Variants in CRACD observed in about 807,000 individuals in gnomAD.
The protein encoded by CRACD is capping protein inhibiting regulator of actin dynamics.
In CRACD, 56 loss-of-function variants were observed where a neutral mutation model predicts 106.8. The observed-to-expected ratio is 0.52, with a 90% CI of 0.42 to 0.66. The LOEUF (loss-of-function observed/expected upper bound fraction) is 0.66. CRACD is among the 30% of genes least tolerant of loss of function. The probability of loss-of-function intolerance (pLI) is 0.00; values close to 1 mark genes in which losing one functional copy is unlikely to be tolerated. For missense variants in CRACD, 1,730 were observed against 1,623.2 expected (o/e 1.07, Z -1.13); for synonymous variants, 754 against 670.8 (o/e 1.12, Z -1.92).
chr4:56,298,370 A>C, intron 4 of CRACD, 21 bp downstream of exon 4: 1 of 1,612,876 alleles, frequency 6.2e-7, no homozygotes, highest in Admixed American at 1.7e-5. Context: ...TTGAGAGTGG[A>C]ATTACGAGCC....
intron 1 of CRACD, among the ~76,000 whole-genome samples, chr4:56,169,687 G>A (rs755286654): frequency 2.0e-5 from 3 of 151,964 alleles, no homozygotes; most frequent in Non-Finnish European, 4.4e-5. Context: ...TTGTAGAGAC[G>A]GGGTTTTGCC....
intron 1 of CRACD, among the ~76,000 whole-genome samples, chr4:56,117,743 C>A (rs1473934683): frequency 6.6e-6 from 1 of 152,070 alleles, no homozygotes; most frequent in Non-Finnish European, 1.5e-5. Flanking sequence ...CCATAAAAGT[C>A]AAATATTTTA....
chr4:56,213,394 C>A (rs1738507321), intron 2 of CRACD, among the ~76,000 whole-genome samples: 1 of 152,064 alleles, frequency 6.6e-6, no homozygotes, highest in African/African-American at 2.4e-5. Context: ...TTCAGTGAGC[C>A]AAGATCACGC....
At chr4:56,079,660 G>A (rs1732958977) in intron 1 of CRACD, among the ~76,000 whole-genome samples, 1 of 151,106 alleles carries the variant, frequency 6.6e-6, no homozygotes, top group South Asian at 2.1e-4. Flanking sequence ...GACCAAGCTG[G>A]TCTTGAACTT....
chr4:56,053,293 A>C (rs1291486862), intron 1 of CRACD, among the ~76,000 whole-genome samples: 1 of 152,190 alleles, frequency 6.6e-6, no homozygotes, highest in Non-Finnish European at 1.5e-5. Flanking sequence ...ACCACCACCA[A>C]GTATCCTATT....
At chr4:56,298,118 A>C in intron 3 of CRACD, 96 bp from the exon 4 acceptor site, 3 of 1,314,072 alleles carry the variant, frequency 2.3e-6, no homozygotes, top group East Asian at 2.3e-5. Flanking sequence ...GAGACTGGGA[A>C]TGTGGGTGGA....
At chr4:56,233,110 T>C (rs1739743114) in intron 2 of CRACD, among the ~76,000 whole-genome samples, 1 of 135,584 alleles carries the variant, frequency 7.4e-6, no homozygotes, top group Non-Finnish European at 1.7e-5. Context: ...ATTTCTTTTC[T>C]CAGTTTTTAA....
chr4:56,056,448 G>C (rs1429450867), intron 1 of CRACD, among the ~76,000 whole-genome samples: 2 of 152,094 alleles, frequency 1.3e-5, no homozygotes, highest in Non-Finnish European at 2.9e-5. Flanking sequence ...CATGTGGCTA[G>C]TCCGAATGGA....
intron 2 of CRACD, among the ~76,000 whole-genome samples, chr4:56,239,554 C>G (rs1740238256): frequency 6.6e-6 from 1 of 151,860 alleles, no homozygotes; most frequent in South Asian, 2.1e-4. Context: ...TCAAAACCTC[C>G]CTCTCCCCTA....
At chr4:56,098,458 G>T (rs887832425) in intron 1 of CRACD, among the ~76,000 whole-genome samples, 2 of 152,160 alleles carry the variant, frequency 1.3e-5, no homozygotes, top group Non-Finnish European at 2.9e-5. Flanking sequence ...GGTCTTGGGT[G>T]ATTCTACAAA....
intron 1 of CRACD, among the ~76,000 whole-genome samples, chr4:56,120,236 T>C (rs1326553046): frequency 6.6e-6 from 1 of 152,110 alleles, no homozygotes; most frequent in Non-Finnish European, 1.5e-5. Flanking sequence ...TTTTTATATA[T>C]CTCTGTGATG....
intron 1 of CRACD, among the ~76,000 whole-genome samples, chr4:56,067,205 A>C (rs1211669149): frequency 6.6e-6 from 1 of 152,152 alleles, no homozygotes; most frequent in Non-Finnish European, 1.5e-5. Context: ...AAAAAAAATA[A>C]GACAAAACTA....
intron 2 of CRACD, among the ~76,000 whole-genome samples, chr4:56,185,246 C>T (rs984533161): frequency 1.3e-5 from 2 of 152,180 alleles, no homozygotes; most frequent in African/African-American, 2.4e-5. Flanking sequence ...CGTGAGCCAG[C>T]GCACCCGGCC....
In CRACD at chr4:56,328,810, T is replaced by C. The variant is rs116469820; in HGVS notation, c.*1006T>C. Among the ~76,000 whole-genome samples, 2,453 of 152,118 alleles carry C rather than the reference T, an allele frequency of 0.016. 77 individuals carry two copies. Among genetic ancestry groups the C allele is most frequent in the African/African-American group, 0.056 (2,309 of 41,490 alleles). On this transcript the variant is annotated 3_prime_UTR_variant, in exon 11 of 11. Transcript: ENST00000682029. The stretch of plus-strand genomic sequence containing the variant: ...GGCTCATTCACTCAAAAAGCAACAG[T>C]GAGACAGGAAAAATAATAAAACAAC...
At chr4:56,106,625 C>T (rs1408729225) in intron 1 of CRACD, among the ~76,000 whole-genome samples, 4 of 152,202 alleles carry the variant, frequency 2.6e-5, no homozygotes. Flanking sequence ...TCACATAGTT[C>T]CCTAAAGCAA....
chr4:56,192,741 C>T (rs1006375641), intron 2 of CRACD, among the ~76,000 whole-genome samples: 6 of 152,044 alleles, frequency 3.9e-5, no homozygotes, highest in South Asian at 2.1e-4. Context: ...AGGAAGACCC[C>T]GGATTTTAAG....
At chr4:56,211,425 A>G (rs1221497993) in intron 2 of CRACD, among the ~76,000 whole-genome samples, 1 of 152,238 alleles carries the variant, frequency 6.6e-6, no homozygotes, top group Admixed American at 6.5e-5. Context: ...GCACCAGCTC[A>G]GCCCATGGCT....
intron 3 of CRACD, among the ~76,000 whole-genome samples, chr4:56,273,047 C>T (rs749519382): frequency 1.3e-5 from 2 of 152,026 alleles, no homozygotes; most frequent in Non-Finnish European, 2.9e-5. Flanking sequence ...GCATTCATTT[C>T]GCTGCTCTTG....
intron 2 of CRACD, among the ~76,000 whole-genome samples, chr4:56,242,722 A>G (rs139107650): frequency 1.1e-3 from 174 of 152,298 alleles, no homozygotes; most frequent in African/African-American, 4.1e-3. Context: ...TCCTACTCCC[A>G]TTCCAGATTA....
Sources: allele counts gnomAD v4.1 joint callset (sites outside exome capture counted in the v4.1 genomes callset), GRCh38; gene constraint gnomAD v4.1.1; transcripts MANE v1.5; gene names NCBI Gene and HGNC (gene_info 2026-07-23, HGNC 2026-07-21).